ANKRD12: variants seen among roughly 807,000 people sequenced by gnomAD.
ANKRD12 encodes the protein ankyrin repeat domain-containing protein 12.
A neutral mutation model predicts 183.4 loss-of-function variants in ANKRD12; 85 were observed. The observed-to-expected ratio is 0.46, with a 90% CI of 0.39 to 0.56. The LOEUF (loss-of-function observed/expected upper bound fraction) is 0.56, where lower values mean the gene tolerates loss of function less well. Among genes scored for constraint, ANKRD12 ranks in the 20% least tolerant of loss-of-function variants. ANKRD12 has a pLI of 0.00. For missense variants in ANKRD12, 2,405 were observed against 2,357.1 expected (o/e 1.02, Z -0.42); for synonymous variants, 914 against 800.2 (o/e 1.14, Z -2.40).
chr18:9,145,637 C>T (rs2078468895), intron 1 of ANKRD12, among the ~76,000 whole-genome samples: 1 of 152,116 alleles, frequency 6.6e-6, no homozygotes, highest in Non-Finnish European at 1.5e-5. Context: ...CACCTCAGTG[C>T]CAGTGGCAAG....
intron 2 of ANKRD12, 60 bp from the exon 3 acceptor site, chr18:9,195,491 T>TCTATACTGTATTGCTTAG (rs2034727361): frequency 7.7e-7 from 1 of 1,304,246 alleles, no homozygotes. Context: ...CTTAGGGGTT[T>TCTATACTGTATTGCTTAG]CTATACTGTA....
Position 9,258,803 on chromosome 18 carries a change from A to T in ANKRD12, c.5536A>T (p.Ile1846Leu), listed in dbSNP as rs1045478274. The T allele has an allele frequency of 6.2e-7, 1 of 1,613,810 alleles. No homozygotes were observed. The highest frequency in any genetic ancestry group is 1.3e-5 in the African/African-American group (1 of 74,922). Residue 1846 changes from isoleucine to leucine, a missense_variant, in exon 9 of 13, where the codon ATA becomes TTA. Transcript: ENST00000262126. ...TGAATACTTGCACATAAGGAAAAAA[A>T]TAGAAGAAAAACGCAAATTACTGTG... is the stretch of plus-strand genomic sequence containing the variant. ...YFEYLHIRKK[I>L]EEKRKLLCSV...
rs765091845 is a variant in ANKRD12 at position 9,211,593 on chromosome 18, C to G, written c.461C>G (p.Pro154Arg). 6.2e-7 allele frequency: 1 copy of G among 1,613,556 alleles called. No homozygotes were observed. Among genetic ancestry groups the G allele is most frequent in the East Asian group, 2.2e-5 (1 of 44,822 alleles). ...TARDNSPDST[P>R]NHPSQTTPAQ... ...TTCTTCTTTCTTACAGATTCCACAC[C>G]AAATCATCCATCACAAACAACGCCT... Residue 154 changes from proline to arginine, a missense_variant, in exon 6 of 13, where the codon CCA becomes CGA. Physicochemically the swap from Pro to Arg is moderately radical, Grantham distance 103. Around this residue, in one of 7 missense-constraint regions of ANKRD12, gnomAD observed 35 missense variants for 37.5 expected, o/e 0.93. Coordinates refer to ENST00000262126, the MANE Select transcript of ANKRD12 (RefSeq NM_015208.5).
chr18:9,188,768 G>A (rs1250141325), intron 2 of ANKRD12, among the ~76,000 whole-genome samples: 1 of 152,198 alleles, frequency 6.6e-6, no homozygotes, highest in African/African-American at 2.4e-5. Context: ...CTTTGTTACT[G>A]TTGTAGTTGT....
Position 9,221,870 on chromosome 18 carries a change from C to T in ANKRD12, c.814C>T (p.Arg272Cys), listed in dbSNP as rs747490242. 2.5e-6 allele frequency: 4 copies of T among 1,613,710 alleles called. No homozygotes were observed. Among genetic ancestry groups the T allele is most frequent in the Non-Finnish European group, 3.4e-6 (4 of 1,179,826 alleles). Residue 272 changes from arginine to cysteine, a missense_variant, in exon 8 of 13, where the codon CGT becomes TGT. Around this residue, in one of 7 missense-constraint regions of ANKRD12, gnomAD observed 40 missense variants for 54.2 expected, o/e 0.74. Transcript: ENST00000262126. ...GHRDIVKLLL[R>C]HGGNPFQANK... Reference sequence around the variant, plus strand: ...GTTGCAGATAGTAAAGCTGTTACTTCGTCACGGTGGAAATCCATTTCAAGC... The same window carrying T: ...GTTGCAGATAGTAAAGCTGTTACTTTGTCACGGTGGAAATCCATTTCAAGC...
At chr18:9,241,245 C>T (rs1008449307) in intron 8 of ANKRD12, among the ~76,000 whole-genome samples, 6 of 152,014 alleles carry the variant, frequency 3.9e-5, no homozygotes, top group African/African-American at 9.7e-5. Flanking sequence ...ATTTGATGAT[C>T]GGGAATCTAG....
At chr18:9,145,418 A>G (rs1358659548) in intron 1 of ANKRD12, among the ~76,000 whole-genome samples, 1 of 152,242 alleles carries the variant, frequency 6.6e-6, no homozygotes, top group Non-Finnish European at 1.5e-5. Flanking sequence ...ATATTATAGT[A>G]TGTGTCTTTT....
At chr18:9,161,613 T>A (rs2031430746) in intron 1 of ANKRD12, among the ~76,000 whole-genome samples, 1 of 151,914 alleles carries the variant, frequency 6.6e-6, no homozygotes, top group Admixed American at 6.6e-5. Context: ...GCTGACCTTG[T>A]GATCCGCCCG....
intron 2 of ANKRD12, among the ~76,000 whole-genome samples, chr18:9,185,181 C>G (rs2033963288): frequency 6.6e-6 from 1 of 152,150 alleles, no homozygotes; most frequent in Non-Finnish European, 1.5e-5. Context: ...GAGTCTAGCA[C>G]TAGACAAGGA....
At chr18:9,265,025 T>C (rs903363298) in intron 10 of ANKRD12, among the ~76,000 whole-genome samples, 4 of 152,244 alleles carry the variant, frequency 2.6e-5, no homozygotes, top group African/African-American at 9.6e-5. Flanking sequence ...GCCTCGCTCA[T>C]TGCTAGCACA....
intron 1 of ANKRD12, among the ~76,000 whole-genome samples, chr18:9,145,711 C>T (rs1568216452): frequency 6.6e-6 from 1 of 152,122 alleles, no homozygotes; most frequent in African/African-American, 2.4e-5. Context: ...TTGAGAACAG[C>T]CACAATTACT....
In ANKRD12 at chr18:9,157,255, G is replaced by A. The variant is rs142488688; in HGVS notation, c.-52+20290G>A. 8.5e-5 allele frequency among the ~76,000 whole-genome samples: 13 copies of A among 152,218 alleles called. No individual in the cohort carries two copies. In the East Asian group the frequency reaches 2.5e-3, roughly 29 times the overall value. Reference sequence around the variant, plus strand: ...CTCAGCATACTTACAGTAGCCTACGGTTGAACAAAATAACATGAAGCCTAT... The same window carrying A: ...CTCAGCATACTTACAGTAGCCTACGATTGAACAAAATAACATGAAGCCTAT... On this transcript the variant is annotated intron_variant, in intron 1 of 12. Coordinates refer to ENST00000262126, the MANE Select transcript of ANKRD12 (RefSeq NM_015208.5).
At chr18:9,164,718 C>G (rs1012918154) in intron 1 of ANKRD12, among the ~76,000 whole-genome samples, 1 of 152,066 alleles carries the variant, frequency 6.6e-6, no homozygotes, top group African/African-American at 2.4e-5. Context: ...TGAATTTCTT[C>G]GTCTTGAGTT....
At chr18:9,191,838 A>G (rs1029026655) in intron 2 of ANKRD12, among the ~76,000 whole-genome samples, 4 of 152,264 alleles carry the variant, frequency 2.6e-5, no homozygotes, top group African/African-American at 9.6e-5. Context: ...GCCACTGGCC[A>G]TCTGTCCTAA....
In ANKRD12 at chr18:9,195,703, A is replaced by G; in HGVS notation, c.235+5A>G. The G allele has an allele frequency of 6.2e-7, 1 of 1,604,246 alleles. No individual in the cohort carries two copies. The highest frequency in any genetic ancestry group is 8.5e-7 in the Non-Finnish European group (1 of 1,175,680). On this transcript the variant is annotated splice_donor_5th_base_variant and intron_variant, in intron 3 of 12. Coordinates refer to ENST00000262126, the MANE Select transcript of ANKRD12 (RefSeq NM_015208.5). The stretch of plus-strand genomic sequence containing the variant: ...AAGAACGAGATTCAGACACAGGTAG[A>G]ATAATTTGCTGTTCTCTGGTAAAAT...
At chr18:9,221,793 T>G in intron 7 of ANKRD12, 59 bp from the exon 8 acceptor site, 2 of 1,552,506 alleles carry the variant, frequency 1.3e-6, no homozygotes, top group Admixed American at 1.8e-5. Flanking sequence ...ATCAAGAGAA[T>G]GGGTGCAGTG....
chr18:9,176,670 T>C (rs2033296240), intron 1 of ANKRD12, among the ~76,000 whole-genome samples: 1 of 152,182 alleles, frequency 6.6e-6, no homozygotes, highest in Non-Finnish European at 1.5e-5. Flanking sequence ...ACCCAAATGA[T>C]GTTTAGTTTA....
intron 2 of ANKRD12, among the ~76,000 whole-genome samples, chr18:9,190,420 A>G (rs2034378592): frequency 6.6e-6 from 1 of 152,238 alleles, no homozygotes; most frequent in Admixed American, 6.5e-5. Context: ...TGAAGATGCT[A>G]GAAACATTGT....
rs1309453593 is a variant in ANKRD12 at position 9,283,400 on chromosome 18, A to G, written c.*2274A>G. The G allele has an allele frequency of 6.6e-6, 1 of 152,190 alleles. No individual in the cohort carries two copies. Among genetic ancestry groups the G allele is most frequent in the East Asian group, 1.9e-4 (1 of 5,200 alleles). The allele number at this position is 152,190 out of a possible 1,614,324, so 9.4% of individuals were successfully genotyped here. ...CTCTCTGCCATGATTATGCTTCTAC[A>G]AATTTCTTTTATAAAGAGACTCAAA... On this transcript the variant is annotated 3_prime_UTR_variant, in exon 13 of 13. Coordinates refer to ENST00000262126, the MANE Select transcript of ANKRD12 (RefSeq NM_015208.5).
Sources: gnomAD v4.1 joint callset for allele counts (sites outside exome capture counted in the v4.1 genomes callset) on GRCh38, gnomAD v4.1.1 for gene constraint, gnomAD v4.1.1 regional missense constraint, MANE v1.5 for transcripts, NCBI Gene and HGNC (gene_info 2026-07-23, HGNC 2026-07-21) for gene names.